FGD6: variants seen among roughly 807,000 people sequenced by gnomAD.
The protein encoded by FGD6 is FYVE, RhoGEF and PH domain containing 6.
In FGD6, 90 loss-of-function variants were observed where a neutral mutation model predicts 149.4. The observed-to-expected ratio is 0.60, with a 90% confidence interval of 0.51 to 0.72. The LOEUF (loss-of-function observed/expected upper bound fraction) is 0.72. Ranked by LOEUF, FGD6 falls within the 30% of genes least tolerant of loss-of-function variation. The pLI, the probability that FGD6 is intolerant of heterozygous loss-of-function variation, is 0.00. For synonymous variants in FGD6, 527 were observed against 584.0 expected, an observed-to-expected ratio of 0.90 and a Z score of 1.41; for missense variants, 1,437 against 1,684.8, an observed-to-expected ratio of 0.85 and a Z score of 2.57.
At chr12:95,190,575 G>A (rs527445638) in intron 2 of FGD6, among the ~76,000 whole-genome samples, 11 of 152,098 alleles carry the variant, frequency 7.2e-5, no homozygotes, top group South Asian at 4.1e-4. Flanking sequence ...TCCAGGGCTC[G>A]GAAAAAACTG....
chr12:95,129,291 GCATCCATGCATGCATGCATGCATC>G (rs1196012243), intron 8 of FGD6, among the ~76,000 whole-genome samples: 2 of 142,268 alleles, frequency 1.4e-5, no homozygotes, highest in Non-Finnish European at 3.1e-5. Context: ...ATGCATCCAT[GCATCCATGCATGCATGCATGCATC>G]CATCCATCCA....
chr12:95,154,306 C>T (rs996624066), intron 3 of FGD6, among the ~76,000 whole-genome samples: 1 of 151,854 alleles, frequency 6.6e-6, no homozygotes, highest in Non-Finnish European at 1.5e-5. Context: ...ACTAAATGCC[C>T]TAGCAGGAAC....
chr12:95,148,728 CATATATT>C (rs1373013843), intron 5 of FGD6, among the ~76,000 whole-genome samples: 6 of 50,990 alleles, frequency 1.2e-4, no homozygotes, highest in African/African-American at 2.4e-4. Context: ...TGTTATATTA[CATATATT>C]ATATATTATA....
At chr12:95,138,611 T>C (rs1260873734) in intron 6 of FGD6, among the ~76,000 whole-genome samples, 1 of 151,628 alleles carries the variant, frequency 6.6e-6, no homozygotes, top group Non-Finnish European at 1.5e-5. Context: ...TTCTGACCCC[T>C]GTCACACTTC....
rs779248504 is a variant in FGD6 at position 95,210,903 on chromosome 12, A to C, written c.381T>G (p.Cys127Trp). The change falls in exon 2 of 21, where the codon TGT becomes TGG. Residue 127 changes from cysteine to tryptophan, a missense_variant. Coordinates refer to ENST00000343958, the MANE Select transcript of FGD6 (RefSeq NM_018351.4). ...GGGGCTCTAAAACAAGCTGCTTTAC[A>C]CACAAATTCTCTCTATGGCCCAGCT... ...IHKLGHRENL[C>W]VKQLVLEPLE... The C allele has an allele frequency of 1.9e-6, 3 of 1,613,682 alleles. No homozygotes were observed. The highest frequency in any genetic ancestry group is 2.5e-6 in the Non-Finnish European group (3 of 1,179,946).
chr12:95,094,954 C>G (rs1033986421), intron 14 of FGD6, among the ~76,000 whole-genome samples: 3 of 152,162 alleles, frequency 2.0e-5, no homozygotes, highest in Non-Finnish European at 4.4e-5. Flanking sequence ...AGCTTTTGAA[C>G]TCTCCTAAAC....
intron 5 of FGD6, among the ~76,000 whole-genome samples, chr12:95,151,503 G>C (rs1448669407): frequency 6.6e-6 from 1 of 152,076 alleles, no homozygotes; most frequent in Non-Finnish European, 1.5e-5. Flanking sequence ...CCTGACCTCA[G>C]GTGATCTACC....
intron 3 of FGD6, among the ~76,000 whole-genome samples, chr12:95,160,210 A>C (rs536998527): frequency 6.6e-6 from 1 of 152,160 alleles, no homozygotes; most frequent in South Asian, 2.1e-4. Context: ...AAGAGATAAA[A>C]GATGTGAATA....
chr12:95,169,448 A>C (rs1880924481), intron 3 of FGD6, among the ~76,000 whole-genome samples: 1 of 152,204 alleles, frequency 6.6e-6, no homozygotes, highest in South Asian at 2.1e-4. Context: ...AACTAATAAC[A>C]TAAAACAGTA....
At chr12:95,085,510 C>T in intron 19 of FGD6, 1 of 447,284 alleles carries the variant, frequency 2.2e-6, no homozygotes, top group South Asian at 4.5e-5. Flanking sequence ...GGGGGCAGCT[C>T]TGCCTTTAGT....
At position 95,210,554 on chromosome 12, in the gene FGD6, G is replaced by A; in HGVS notation, c.730C>T (p.Gln244Ter). 2 of 1,614,156 alleles carry A rather than the reference G, an allele frequency of 1.2e-6. No individual in the cohort carries two copies. Among genetic ancestry groups the A allele is most frequent in the South Asian group, 1.1e-5 (1 of 91,052 alleles). ...KVPDHHSCHL[Q>*]LPSDECEHFE... ...TGTTCACATTCATCACTAGGAAGCTGTAAGTGGCAACTGTGATGATCAGGA... is the reference window on the plus strand; with the variant it reads ...TGTTCACATTCATCACTAGGAAGCTATAAGTGGCAACTGTGATGATCAGGA... Residue 244 changes from glutamine to a stop codon, truncating the protein, a stop_gained, in exon 2 of 21, where the codon CAG becomes TAG. Transcript: ENST00000343958. LOFTEE classifies it high-confidence loss of function.
intron 1 of FGD6, among the ~76,000 whole-genome samples, chr12:95,212,854 A>G (rs2056735169): frequency 6.6e-6 from 1 of 152,202 alleles, no homozygotes; most frequent in South Asian, 2.1e-4. Context: ...TTACCAACCA[A>G]GGAAGAATTC....
intron 15 of FGD6, 25 bp downstream of exon 15, chr12:95,094,563 GAAAA>G (rs55905327): frequency 3.7e-5 from 47 of 1,272,238 alleles, no homozygotes; most frequent in East Asian, 9.9e-5. Flanking sequence ...AAATGCACTG[GAAAA>G]AAAAAAAAAA....
chr12:95,119,615 G>A lies in FGD6; in HGVS notation c.3083-5914C>T, dbSNP rs140208472. 2.7e-4 allele frequency among the ~76,000 whole-genome samples: 41 copies of A among 152,328 alleles called. No individual in the cohort carries two copies. In the East Asian group the frequency reaches 7.7e-3, roughly 29 times the overall value. On this transcript the variant is annotated intron_variant, in intron 8 of 20. Transcript: ENST00000343958. ...CTCTTTTACTTTTGTAAGTTAATGG[G>A]TTTGGATTTATAAGTAACACTGATT...
At chr12:95,195,259 A>G (rs1344600428) in intron 2 of FGD6, among the ~76,000 whole-genome samples, 2 of 152,168 alleles carry the variant, frequency 1.3e-5, no homozygotes, top group Admixed American at 6.5e-5. Flanking sequence ...AAATGTCACT[A>G]TGTTTACATA....
intron 5 of FGD6, among the ~76,000 whole-genome samples, chr12:95,150,033 C>CACACA (rs1555220380): frequency 2.5e-5 from 3 of 119,444 alleles, no homozygotes; most frequent in East Asian, 4.5e-4. Context: ...CACACACACA[C>CACACA]TTTTTTTTTT....
chr12:95,155,558 A>C (rs985071800), intron 3 of FGD6, among the ~76,000 whole-genome samples: 3 of 152,178 alleles, frequency 2.0e-5, no homozygotes, highest in African/African-American at 2.4e-5. Context: ...AACAAAAAAA[A>C]CCTGCAATCA....
At position 95,086,757 on chromosome 12, in the gene FGD6, AG is replaced by A. The variant is rs1877883245; in HGVS notation, c.3979-850del. 2.0e-5 allele frequency among the ~76,000 whole-genome samples: 3 copies of A among 148,942 alleles called. No homozygotes were observed. In the South Asian group the frequency reaches 6.4e-4, roughly 32 times the overall value. Reference sequence around the variant, plus strand: ...GAGATGGGGTTTCATCATGTTAGCCAGGATGGTCTCCATCTCCCGACCTTGT... The same window carrying A: ...GAGATGGGGTTTCATCATGTTAGCCAGATGGTCTCCATCTCCCGACCTTGT... On this transcript the variant is annotated intron_variant, in intron 18 of 20. Transcript: ENST00000343958.
chr12:95,211,369 GC>G, intron 1 of FGD6, 102 bp from the exon 2 acceptor site: 9 of 1,351,866 alleles, frequency 6.7e-6, no homozygotes, highest in Non-Finnish European at 8.8e-6. Context: ...ATATGACCTT[GC>G]CTTTTACTGA....
Sources: gnomAD v4.1 joint callset for allele counts (sites outside exome capture counted in the v4.1 genomes callset) on GRCh38, gnomAD v4.1.1 for gene constraint, MANE v1.5 for transcripts, NCBI Gene and HGNC (gene_info 2026-07-23, HGNC 2026-07-21) for gene names.